NRG3: variants seen among roughly 807,000 people sequenced by gnomAD.
NRG3 encodes pro-neuregulin-3, membrane-bound isoform.
NRG3 carries 31 observed loss-of-function variants against 66.9 expected under a neutral mutation model. The ratio of observed to expected loss-of-function variants is 0.46; its 90% CI spans 0.35 to 0.63. The LOEUF (loss-of-function observed/expected upper bound fraction) is 0.63, where lower values mean the gene tolerates loss of function less well. Ranked by LOEUF, NRG3 falls within the 20% of genes least tolerant of loss-of-function variation. The probability of loss-of-function intolerance (pLI) is 0.00; values close to 1 mark genes in which losing one functional copy is unlikely to be tolerated. For synonymous variants in NRG3, 393 were observed against 359.4 expected, an observed-to-expected ratio of 1.09 and a Z score of -1.06; for missense variants, 910 against 878.9, an observed-to-expected ratio of 1.04 and a Z score of -0.45.
chr10:82,255,644 C>A (rs1419205160), intron 1 of NRG3, among the ~76,000 whole-genome samples: 1 of 152,140 alleles, frequency 6.6e-6, no homozygotes, highest in Non-Finnish European at 1.5e-5. Context: ...GCTCTGTCGT[C>A]CAGGCTGGAG....
intron 2 of NRG3, among the ~76,000 whole-genome samples, chr10:82,408,105 A>C (rs1195514102): frequency 2.1e-4 from 29 of 138,996 alleles, no homozygotes; most frequent in East Asian, 9.4e-4. Flanking sequence ...GAAAGAAAGA[A>C]AGAAAGAAAG....
chr10:82,287,129 T>G (rs967285436), intron 1 of NRG3, among the ~76,000 whole-genome samples: 7 of 152,148 alleles, frequency 4.6e-5, no homozygotes, highest in African/African-American at 1.4e-4. Flanking sequence ...AATCTCATGT[T>G]GAATTGTAAT....
intron 2 of NRG3, among the ~76,000 whole-genome samples, chr10:82,722,769 A>T (rs1027671604): frequency 3.9e-5 from 6 of 152,146 alleles, no homozygotes; most frequent in African/African-American, 1.4e-4. Flanking sequence ...TGAGAATGAA[A>T]GTCATTTACT....
chr10:82,769,295 G>T (rs1312200389), intron 3 of NRG3, among the ~76,000 whole-genome samples: 1 of 151,974 alleles, frequency 6.6e-6, no homozygotes, highest in South Asian at 2.1e-4. Context: ...AGGCTGAGTT[G>T]TACTTACATA....
intron 1 of NRG3, among the ~76,000 whole-genome samples, chr10:82,012,377 G>A (rs1219324875): frequency 2.0e-5 from 3 of 152,156 alleles, no homozygotes; most frequent in Non-Finnish European, 4.4e-5. Flanking sequence ...AGGGCTCTAG[G>A]CCTATGAAGG....
chr10:82,855,174 G>A (rs549105079), intron 3 of NRG3, among the ~76,000 whole-genome samples: 4 of 152,074 alleles, frequency 2.6e-5, no homozygotes, highest in Admixed American at 6.6e-5. Flanking sequence ...AGTGGTATTC[G>A]TCATGATGAT....
At chr10:82,638,161 A>T (rs928509151) in intron 2 of NRG3, among the ~76,000 whole-genome samples, 1 of 152,216 alleles carries the variant, frequency 6.6e-6, no homozygotes, top group South Asian at 2.1e-4. Context: ...AATTAAACAT[A>T]TGTATCACAT....
At chr10:81,945,707 C>T (rs1237399151) in intron 1 of NRG3, among the ~76,000 whole-genome samples, 1 of 152,138 alleles carries the variant, frequency 6.6e-6, no homozygotes, top group African/African-American at 2.4e-5. Flanking sequence ...CTCCCAGCAC[C>T]TCAGAATGTG....
intron 1 of NRG3, among the ~76,000 whole-genome samples, chr10:82,233,302 T>C (rs1443528010): frequency 6.6e-6 from 1 of 152,052 alleles, no homozygotes; most frequent in Non-Finnish European, 1.5e-5. Flanking sequence ...GAGGCGGAGC[T>C]TGCAGTGACC....
chr10:82,507,587 G>A (rs1275446515), intron 2 of NRG3, among the ~76,000 whole-genome samples: 1 of 152,116 alleles, frequency 6.6e-6, no homozygotes, highest in Admixed American at 6.5e-5. Context: ...GCTAAACACA[G>A]CAGACCCAAG....
At chr10:82,124,803 T>C (rs1431314051) in intron 1 of NRG3, among the ~76,000 whole-genome samples, 1 of 151,842 alleles carries the variant, frequency 6.6e-6, no homozygotes, top group South Asian at 2.1e-4. Context: ...CACAGTATAA[T>C]CTGTTGCTTT....
intron 1 of NRG3, among the ~76,000 whole-genome samples, chr10:82,117,190 T>C (rs1270603932): frequency 1.3e-5 from 2 of 152,148 alleles, no homozygotes; most frequent in Non-Finnish European, 2.9e-5. Context: ...AGTTCCTCCC[T>C]ACATTACATC....
At chr10:82,886,192 G>A (rs776255948) in intron 4 of NRG3, among the ~76,000 whole-genome samples, 33 of 152,316 alleles carry the variant, frequency 2.2e-4, no homozygotes, top group African/African-American at 7.7e-4. Context: ...ACGAAATAAA[G>A]ATAATTTCAT....
intron 4 of NRG3, among the ~76,000 whole-genome samples, chr10:82,881,523 T>G (rs1842296341): frequency 6.6e-6 from 1 of 152,204 alleles, no homozygotes; most frequent in African/African-American, 2.4e-5. Flanking sequence ...TCTAGAGTTG[T>G]ACTGTATCAT....
intron 3 of NRG3, among the ~76,000 whole-genome samples, chr10:82,813,769 C>G (rs1288448637): frequency 2.0e-5 from 3 of 152,098 alleles, no homozygotes; most frequent in African/African-American, 7.2e-5. Context: ...TGGTGGAGAC[C>G]ATAAAAATCA....
intron 2 of NRG3, among the ~76,000 whole-genome samples, chr10:82,367,384 T>G (rs1375637366): frequency 2.0e-5 from 3 of 152,176 alleles, no homozygotes; most frequent in African/African-American, 7.2e-5. Context: ...TAAAACACCT[T>G]GAAAATTACT....
At chr10:81,922,725 T>C (rs1407316888) in intron 1 of NRG3, among the ~76,000 whole-genome samples, 1 of 152,214 alleles carries the variant, frequency 6.6e-6, no homozygotes, top group Non-Finnish European at 1.5e-5. Context: ...TCCATCCTTT[T>C]CAGTGCTCCA....
At chr10:81,886,412 A>T (rs1307650116) in intron 1 of NRG3, among the ~76,000 whole-genome samples, 5 of 152,186 alleles carry the variant, frequency 3.3e-5, no homozygotes, top group African/African-American at 1.2e-4. Context: ...CATTGGATAT[A>T]ATCCATAAAC....
chr10:82,960,598 A>T (rs894340445), intron 6 of NRG3, among the ~76,000 whole-genome samples: 7 of 152,042 alleles, frequency 4.6e-5, no homozygotes, highest in African/African-American at 1.4e-4. Flanking sequence ...CTGCACGTGC[A>T]CATCCAGATG....
Sources: gnomAD v4.1 joint callset for allele counts (sites outside exome capture counted in the v4.1 genomes callset) on GRCh38, gnomAD v4.1.1 for gene constraint, MANE v1.5 for transcripts, NCBI Gene and HGNC (gene_info 2026-07-23, HGNC 2026-07-21) for gene names.